The following GRIP1 variants were observed in gnomAD, a reference collection of about 807,000 sequenced individuals.
GRIP1 encodes glutamate receptor interacting protein 1.
GRIP1 carries 45 observed loss-of-function variants against 129.9 expected under a neutral mutation model. The ratio of observed to expected loss-of-function variants is 0.35; its 90% CI spans 0.27 to 0.44. The LOEUF (loss-of-function observed/expected upper bound fraction) is 0.44. GRIP1 is among the 20% of genes least tolerant of loss of function. The pLI, the probability that GRIP1 is intolerant of heterozygous loss-of-function variation, is 1.00. For synonymous variants in GRIP1, 530 were observed against 520.8 expected (o/e 1.02, Z -0.24); for missense variants, 1,196 against 1,396.8 (o/e 0.86, Z 2.29).
intron 1 of GRIP1, among the ~76,000 whole-genome samples, chr12:66,634,892 G>T (rs913981527): frequency 9.2e-5 from 14 of 152,214 alleles, no homozygotes; most frequent in Non-Finnish European, 5.9e-5. Context: ...ACATGGGTGG[G>T]AGAGATCTCT....
chr12:66,665,746 C>A (rs2033759155), intron 1 of GRIP1, among the ~76,000 whole-genome samples: 1 of 152,098 alleles, frequency 6.6e-6, no homozygotes, highest in Non-Finnish European at 1.5e-5. Context: ...TTGTACAAGT[C>A]TTTTGAGTCA....
At chr12:66,952,290 T>C (rs986860198) in intron 1 of GRIP1, among the ~76,000 whole-genome samples, 2 of 152,138 alleles carry the variant, frequency 1.3e-5, no homozygotes, top group Non-Finnish European at 2.9e-5. Context: ...TCAGATAGAA[T>C]GCTGGTGAGA....
intron 1 of GRIP1, among the ~76,000 whole-genome samples, chr12:66,782,556 C>T (rs1406641093): frequency 2.0e-5 from 3 of 152,102 alleles, no homozygotes; most frequent in Non-Finnish European, 4.4e-5. Flanking sequence ...CTTCTGCTAA[C>T]CAGAATAGTA....
At chr12:66,579,967 A>G (rs1196657373) in intron 2 of GRIP1, among the ~76,000 whole-genome samples, 3 of 148,088 alleles carry the variant, frequency 2.0e-5, no homozygotes, top group East Asian at 3.9e-4. Flanking sequence ...AGATTCACCA[A>G]AGTTGAAATG....
chr12:66,907,509 C>T (rs745842030), intron 1 of GRIP1, among the ~76,000 whole-genome samples: 1 of 152,010 alleles, frequency 6.6e-6, no homozygotes, highest in African/African-American at 2.4e-5. Flanking sequence ...AGCTAAAGGG[C>T]CAGGAAAGGT....
intron 20 of GRIP1, among the ~76,000 whole-genome samples, chr12:66,377,840 G>C (rs1293859190): frequency 1.3e-5 from 2 of 152,006 alleles, no homozygotes; most frequent in Non-Finnish European, 2.9e-5. Context: ...CAGACTATTT[G>C]TGGCTGCTGC....
At chr12:66,958,998 G>A (rs2041884344) in intron 1 of GRIP1, among the ~76,000 whole-genome samples, 1 of 152,256 alleles carries the variant, frequency 6.6e-6, no homozygotes, top group Non-Finnish European at 1.5e-5. Flanking sequence ...TTTCTTTATA[G>A]TTGTAATTTA....
intron 7 of GRIP1, among the ~76,000 whole-genome samples, chr12:66,480,523 G>T (rs2059771014): frequency 6.6e-6 from 1 of 152,096 alleles, no homozygotes; most frequent in South Asian, 2.1e-4. Context: ...TCCTCATCAA[G>T]CTACCACTGA....
chr12:66,631,994 GA>G (rs2030843737), intron 1 of GRIP1, among the ~76,000 whole-genome samples: 1 of 152,170 alleles, frequency 6.6e-6, no homozygotes, highest in African/African-American at 2.4e-5. Context: ...AGAATACTGA[GA>G]GGATCTCAGG....
intron 1 of GRIP1, among the ~76,000 whole-genome samples, chr12:67,016,198 T>C (rs1325909054): frequency 6.6e-6 from 1 of 152,122 alleles, no homozygotes; most frequent in Non-Finnish European, 1.5e-5. Context: ...AGAAATAAAA[T>C]GGTTCCTTTC....
intron 1 of GRIP1, among the ~76,000 whole-genome samples, chr12:66,774,756 C>G (rs915685000): frequency 6.6e-6 from 1 of 152,162 alleles, no homozygotes; most frequent in Middle Eastern, 3.2e-3. Flanking sequence ...CCTCAATGTA[C>G]TGTTTGGAGA....
intron 1 of GRIP1, among the ~76,000 whole-genome samples, chr12:66,823,405 T>C (rs571987928): frequency 7.2e-4 from 109 of 152,330 alleles, no homozygotes; most frequent in African/African-American, 2.6e-3. Flanking sequence ...GATTTCTATT[T>C]GGTTGATTAC....
intron 1 of GRIP1, among the ~76,000 whole-genome samples, chr12:66,653,265 CT>C (rs5798832): frequency 0.12 from 18,760 of 152,238 alleles, 1,192 homozygotes; most frequent in East Asian, 0.15. Context: ...CCCATCATAA[CT>C]TTCCAAATAT....
In GRIP1 at chr12:66,394,304, C is replaced by T. The variant is rs763142227; in HGVS notation, c.2033G>A (p.Arg678His). The T allele has an allele frequency of 6.2e-6, 10 of 1,613,762 alleles. No individual in the cohort carries two copies. Among genetic ancestry groups the T allele is most frequent in the Middle Eastern group, 1.6e-4 (1 of 6,062 alleles). ...TGTGATGCCAAGGGGCCCCCCGTAG[C>T]GTTTAAGCTCCACGGTGTAAATAAT... ...GAIIYTVELKRYGGPLGITIS... is the reference protein window; with the variant it reads ...GAIIYTVELKHYGGPLGITIS... Residue 678 changes from arginine (R) to histidine (H), a missense_variant, in exon 17 of 25, where the codon CGC (arginine) becomes CAC (histidine). Arg to His is a conservative substitution (Grantham distance 29). This residue lies in a region of GRIP1 where 508 missense variants were observed against 587.0 expected (regional missense o/e 0.87). Transcript: ENST00000359742.
chr12:66,451,421 T>TTTTTTTTTTTC (rs1565752142), intron 11 of GRIP1, among the ~76,000 whole-genome samples: 7 of 115,558 alleles, frequency 6.1e-5, no homozygotes, highest in African/African-American at 2.5e-4. Flanking sequence ...TTTTTTTTTT[T>TTTTTTTTTTTC]CAGATAGGCT....
At chr12:66,566,675 T>C (rs554232661) in intron 2 of GRIP1, among the ~76,000 whole-genome samples, 1 of 152,348 alleles carries the variant, frequency 6.6e-6, no homozygotes, top group African/African-American at 2.4e-5. Context: ...TTTCTATTGA[T>C]TGAAATAGTT....
At chr12:67,000,569 G>C (rs1314346922) in intron 1 of GRIP1, among the ~76,000 whole-genome samples, 1 of 152,156 alleles carries the variant, frequency 6.6e-6, no homozygotes, top group Non-Finnish European at 1.5e-5. Flanking sequence ...TGTTAGCTTT[G>C]CACTCTAATT....
At chr12:66,528,664 T>G (rs189513644) in intron 5 of GRIP1, among the ~76,000 whole-genome samples, 4 of 152,302 alleles carry the variant, frequency 2.6e-5, no homozygotes, top group African/African-American at 9.6e-5. Flanking sequence ...AATCAACATT[T>G]TTCAGTGATA....
intron 1 of GRIP1, among the ~76,000 whole-genome samples, chr12:66,836,814 G>T (rs1222254891): frequency 1.3e-5 from 2 of 152,142 alleles, no homozygotes; most frequent in African/African-American, 2.4e-5. Flanking sequence ...GCAGCAGGTT[G>T]CCCCACCAAA....
Sources: allele counts gnomAD v4.1 joint callset (sites outside exome capture counted in the v4.1 genomes callset), GRCh38; gene constraint gnomAD v4.1.1; regional missense constraint gnomAD v4.1.1; transcripts MANE v1.5; gene names NCBI Gene and HGNC (gene_info 2026-07-23, HGNC 2026-07-21).